PDE6D: variants seen among roughly 807,000 people sequenced by gnomAD.
PDE6D encodes the protein phosphodiesterase 6D.
PDE6D carries 10 observed loss-of-function variants against 21.9 expected under a neutral mutation model. That is an observed-to-expected ratio of 0.46 (90% CI 0.28 to 0.78). PDE6D has a LOEUF of 0.78. Among genes scored for constraint, PDE6D ranks in the 30% least tolerant of loss-of-function variants. The probability of loss-of-function intolerance (pLI) is 0.12; values close to 1 mark genes in which losing one functional copy is unlikely to be tolerated. For synonymous variants in PDE6D, 59 were observed against 63.5 expected (o/e 0.93, Z 0.34); for missense variants, 139 against 184.8 (o/e 0.75, Z 1.44).
chr2:231,739,231 C>T lies in PDE6D; in HGVS notation c.51-43G>A. The T allele has an allele frequency of 8.2e-7, 1 of 1,219,316 alleles. No individual in the cohort carries two copies. The highest frequency in any genetic ancestry group is 1.2e-6 in the Non-Finnish European group (1 of 819,856). 75.5% of individuals were successfully genotyped at this position (1,219,316 alleles called of 1,614,324 possible). A position where few individuals can be genotyped will look rare whatever the true frequency, so the allele number is the denominator to read the frequency against. On this transcript the variant is annotated intron_variant, in intron 1 of 4. Transcript: ENST00000287600. This position sits in a 1 kb window ranked among gnomAD's most constrained non-coding sequence, Gnocchi z 4.2. ...AGGAAAAATAAGGCACTGAAAGTGA[C>T]TCCCACTTTGTATTCTAGGTGTCTC...
At chr2:231,737,656 A>T (rs2106260831) in intron 3 of PDE6D, 1 of 298,114 alleles carries the variant, frequency 3.4e-6, no homozygotes, top group South Asian at 7.3e-5. Context: ...CATGGTGAGA[A>T]TTCAATGCAG....
At position 231,732,935 on chromosome 2, in the gene PDE6D, G is replaced by A. The variant is rs201184663; in HGVS notation, c.*17C>T. 4.5e-6 allele frequency: 7 copies of A among 1,559,796 alleles called. No individual in the cohort carries two copies. The highest frequency in any genetic ancestry group is 6.2e-6 in the Non-Finnish European group (7 of 1,133,556). On this transcript the variant is annotated 3_prime_UTR_variant, in exon 5 of 5. Coordinates refer to ENST00000287600, the MANE Select transcript of PDE6D (RefSeq NM_002601.4). ...TCCAAAAAACCCAAATTCTTGAAAT[G>A]TACACACATTCTTCTTTCAAACATA...
At chr2:231,741,461 A>G (rs1024888200) in intron 1 of PDE6D, among the ~76,000 whole-genome samples, 2 of 152,216 alleles carry the variant, frequency 1.3e-5, no homozygotes, top group Non-Finnish European at 2.9e-5. Context: ...AGCAAGCAAG[A>G]AACAGCTGAA....
chr2:231,747,237 T>A (rs1202823607), intron 1 of PDE6D, among the ~76,000 whole-genome samples: 3 of 152,174 alleles, frequency 2.0e-5, no homozygotes, highest in Non-Finnish European at 4.4e-5. Flanking sequence ...ATTACAGGCA[T>A]GCGCCACCAC....
chr2:231,772,195 T>C (rs891756845), intron 1 of PDE6D, among the ~76,000 whole-genome samples: 5 of 152,180 alleles, frequency 3.3e-5, no homozygotes, highest in African/African-American at 7.2e-5. Context: ...CTTTTCATCT[T>C]TAGGTTAAAC....
At chr2:231,769,231 C>A (rs1034190842) in intron 1 of PDE6D, among the ~76,000 whole-genome samples, 1 of 152,202 alleles carries the variant, frequency 6.6e-6, no homozygotes, top group Non-Finnish European at 1.5e-5. Flanking sequence ...ATTCTGTTAA[C>A]AAATGTCTGA....
At chr2:231,781,006 C>T (rs1015942166) in intron 1 of PDE6D, 59 bp downstream of exon 1, 3 of 1,476,314 alleles carry the variant, frequency 2.0e-6, no homozygotes, top group Middle Eastern at 1.7e-4. Context: ...CGGCCAGTCT[C>T]CTCAGTGAGC....
intron 1 of PDE6D, among the ~76,000 whole-genome samples, chr2:231,774,780 G>A (rs189776916): frequency 8.6e-4 from 131 of 151,960 alleles, no homozygotes; most frequent in African/African-American, 3.0e-3. Flanking sequence ...TAGTAGAGAC[G>A]GGGTTTCACC....
At chr2:231,766,946 A>G (rs2048975390) in intron 1 of PDE6D, among the ~76,000 whole-genome samples, 1 of 148,208 alleles carries the variant, frequency 6.7e-6, no homozygotes, top group Non-Finnish European at 1.5e-5. Flanking sequence ...GGGAGCTGAG[A>G]TCACGCCACT....
In PDE6D at chr2:231,753,559, T is replaced by A. The variant is rs961190541; in HGVS notation, c.51-14371A>T. Among the ~76,000 whole-genome samples the A allele has an allele frequency of 1.3e-4, 19 of 147,976 alleles. No homozygotes were observed. In the East Asian group the frequency reaches 3.2e-3, roughly 25 times the overall value. ...GAGCAAGACCCTGTCTCAAAAAAAA[T>A]AAAATAAATAAATAAAAATAAATAA... On this transcript the variant is annotated intron_variant, in intron 1 of 4. Transcript: ENST00000287600.
chr2:231,736,252 A>G (rs1307161564), intron 4 of PDE6D, among the ~76,000 whole-genome samples: 1 of 152,194 alleles, frequency 6.6e-6, no homozygotes, highest in African/African-American at 2.4e-5. Flanking sequence ...AACAAATTCA[A>G]TATGGCTTTC....
intron 1 of PDE6D, among the ~76,000 whole-genome samples, chr2:231,748,507 A>G (rs190050034): frequency 6.6e-6 from 1 of 152,322 alleles, no homozygotes; most frequent in East Asian, 1.9e-4. Flanking sequence ...AAAGTTTGGA[A>G]AATTTGCAGC....
At chr2:231,755,292 GCTTT>G (rs1374908526) in intron 1 of PDE6D, among the ~76,000 whole-genome samples, 1 of 152,156 alleles carries the variant, frequency 6.6e-6, no homozygotes, top group African/African-American at 2.4e-5. Context: ...AAATTACAGT[GCTTT>G]TTTTCATAAT....
At chr2:231,735,066 C>T (rs1354480995) in intron 4 of PDE6D, among the ~76,000 whole-genome samples, 1 of 149,114 alleles carries the variant, frequency 6.7e-6, no homozygotes, top group African/African-American at 2.5e-5. Context: ...CATGGTGAAA[C>T]CCCGTCTCTA....
chr2:231,769,119 T>C (rs776189605), intron 1 of PDE6D, among the ~76,000 whole-genome samples: 6 of 152,300 alleles, frequency 3.9e-5, no homozygotes, highest in Admixed American at 1.3e-4. Flanking sequence ...TCCGCCCACC[T>C]TGGCCTCCCA....
At chr2:231,752,230 A>G (rs1368672878) in intron 1 of PDE6D, among the ~76,000 whole-genome samples, 1 of 136,960 alleles carries the variant, frequency 7.3e-6, no homozygotes. Context: ...GTCAGAAGGA[A>G]AAGCTGAGAG....
intron 1 of PDE6D, among the ~76,000 whole-genome samples, chr2:231,771,183 G>A (rs1447896926): frequency 6.6e-6 from 1 of 151,726 alleles, no homozygotes; most frequent in African/African-American, 2.4e-5. Context: ...TGGCCAGGCT[G>A]GTCTCGAACT....
intron 1 of PDE6D, among the ~76,000 whole-genome samples, chr2:231,749,114 C>A (rs1263595503): frequency 3.3e-5 from 5 of 152,118 alleles, no homozygotes. Flanking sequence ...GTAGATCCAC[C>A]AACTTGCACC....
chr2:231,739,609 C>G lies in PDE6D; in HGVS notation c.51-421G>C, dbSNP rs2048731202. ...AAACTTCACCCACAAGCACAGAACT[C>G]TCAAATTGCTTTGTAGTGGCCCCCT... On this transcript the variant is annotated intron_variant, in intron 1 of 4. Coordinates refer to ENST00000287600, the MANE Select transcript of PDE6D (RefSeq NM_002601.4). The surrounding 1 kb of genome is among the most constrained non-coding windows in gnomAD (Gnocchi z 4.2). 6.6e-6 allele frequency among the ~76,000 whole-genome samples: 1 copy of G among 151,258 alleles called. No homozygotes were observed. The highest frequency in any genetic ancestry group is 1.5e-5 in the Non-Finnish European group (1 of 67,926).
Sources: gnomAD v4.1 joint callset for allele counts (sites outside exome capture counted in the v4.1 genomes callset) on GRCh38, gnomAD v4.1.1 for gene constraint, Gnocchi (gnomAD v3.1) non-coding constraint, MANE v1.5 for transcripts, NCBI Gene and HGNC (gene_info 2026-07-23, HGNC 2026-07-21) for gene names.